Variants in MOB3B observed in about 807,000 individuals in gnomAD.
The protein encoded by MOB3B is MOB kinase activator 3B, also known as MOB kinase activator-like 2B.
Under a neutral mutation model 18.7 loss-of-function variants are expected in MOB3B, and 7 were observed. The observed-to-expected ratio is 0.37, with a 90% CI of 0.21 to 0.70. MOB3B has a LOEUF of 0.70. Among genes scored for constraint, MOB3B ranks in the 30% least tolerant of loss-of-function variants. The pLI, the probability that MOB3B is intolerant of heterozygous loss-of-function variation, is 0.52. For synonymous variants in MOB3B, 111 were observed against 99.9 expected (o/e 1.11, Z -0.66); for missense variants, 253 against 281.3 (o/e 0.90, Z 0.72).
At chr9:27,496,434 T>C (rs1819901113) in intron 1 of MOB3B, among the ~76,000 whole-genome samples, 1 of 152,238 alleles carries the variant, frequency 6.6e-6, no homozygotes, top group Non-Finnish European at 1.5e-5. Context: ...GTTCAGGGCC[T>C]GCCTTCCTAT....
chr9:27,341,111 C>G (rs991505612), intron 3 of MOB3B, among the ~76,000 whole-genome samples: 1 of 152,180 alleles, frequency 6.6e-6, no homozygotes. Context: ...TGTGGCCTTT[C>G]TATCAGGAGT....
chr9:27,426,779 A>C (rs1822340587), intron 2 of MOB3B, among the ~76,000 whole-genome samples: 1 of 152,302 alleles, frequency 6.6e-6, no homozygotes, highest in Middle Eastern at 3.4e-3. Flanking sequence ...CCTTTTCTGC[A>C]GCCTCCTACT....
intron 2 of MOB3B, among the ~76,000 whole-genome samples, chr9:27,395,712 T>C (rs1305925868): frequency 6.6e-6 from 1 of 152,192 alleles, no homozygotes; most frequent in East Asian, 1.9e-4. Flanking sequence ...CCTCCTCTAC[T>C]TGCTAAGAAA....
At chr9:27,527,821 T>C (rs1408076260) in intron 1 of MOB3B, among the ~76,000 whole-genome samples, 2 of 152,210 alleles carry the variant, frequency 1.3e-5, no homozygotes, top group Non-Finnish European at 2.9e-5. Flanking sequence ...GGACCCTGAC[T>C]TCTCAGAGTA....
intron 3 of MOB3B, among the ~76,000 whole-genome samples, chr9:27,345,565 C>T (rs184906600): frequency 1.3e-5 from 2 of 152,086 alleles, no homozygotes; most frequent in African/African-American, 2.4e-5. Context: ...GGTGGTTGCC[C>T]CCACAGCTTC....
chr9:27,439,949 TG>T (rs1033310018), intron 2 of MOB3B, among the ~76,000 whole-genome samples: 1 of 151,574 alleles, frequency 6.6e-6, no homozygotes, highest in African/African-American at 2.4e-5. Context: ...GGCCCGGTGG[TG>T]GGGGGTAAGG....
chr9:27,439,570 C>A (rs1375436056), intron 2 of MOB3B, among the ~76,000 whole-genome samples: 3 of 152,176 alleles, frequency 2.0e-5, no homozygotes, highest in Non-Finnish European at 4.4e-5. Flanking sequence ...GAGAAAGTAG[C>A]AAAGCCATGA....
At chr9:27,524,163 A>AAC (rs1554657514) in intron 1 of MOB3B, among the ~76,000 whole-genome samples, 3 of 151,506 alleles carry the variant, frequency 2.0e-5, no homozygotes, top group African/African-American at 7.3e-5. Context: ...AAAAAAAAAA[A>AAC]AAAAAAAAGC....
intron 2 of MOB3B, among the ~76,000 whole-genome samples, chr9:27,404,316 T>TTTC (rs1563860254): frequency 6.9e-6 from 1 of 145,570 alleles, no homozygotes; most frequent in African/African-American, 2.5e-5. Flanking sequence ...TAAACCACAT[T>TTTC]TTCTTTCTTT....
intron 2 of MOB3B, among the ~76,000 whole-genome samples, chr9:27,365,116 C>T (rs1455199791): frequency 7.4e-6 from 1 of 135,440 alleles, no homozygotes; most frequent in Non-Finnish European, 1.5e-5. Flanking sequence ...GAGCAGTGGT[C>T]TTATTTAGTC....
Position 27,332,940 on chromosome 9 carries a change from A to G in MOB3B, c.622-2324T>C, listed in dbSNP as rs75167201. Among the ~76,000 whole-genome samples the G allele has an allele frequency of 2.7e-4, 41 of 152,372 alleles. No individual in the cohort carries two copies. In the East Asian group the frequency reaches 6.2e-3, roughly 23 times the overall value. On this transcript the variant is annotated intron_variant, in intron 3 of 3. Coordinates refer to ENST00000262244, the MANE Select transcript of MOB3B (RefSeq NM_024761.5). ...GAATATGCAATCGGATAATACTGGC[A>G]TATATTAATTGACATATATAATTAT...
At chr9:27,444,961 A>C (rs1822668605) in intron 2 of MOB3B, among the ~76,000 whole-genome samples, 1 of 152,190 alleles carries the variant, frequency 6.6e-6, no homozygotes, top group Non-Finnish European at 1.5e-5. Flanking sequence ...TGGTATTCAA[A>C]TTTTGATCAA....
At chr9:27,418,606 A>G (rs181244701) in intron 2 of MOB3B, among the ~76,000 whole-genome samples, 50 of 152,340 alleles carry the variant, frequency 3.3e-4, no homozygotes, top group Middle Eastern at 3.4e-3. Flanking sequence ...CAATAGATGC[A>G]GAAAAAGCAT....
chr9:27,450,515 C>CA (rs547005756), intron 2 of MOB3B, among the ~76,000 whole-genome samples: 10 of 151,204 alleles, frequency 6.6e-5, no homozygotes, highest in African/African-American at 1.5e-4. Flanking sequence ...TAATAATAAT[C>CA]AAAAAAAAGA....
intron 3 of MOB3B, among the ~76,000 whole-genome samples, chr9:27,347,207 G>T (rs1164136401): frequency 6.6e-6 from 1 of 152,218 alleles, no homozygotes; most frequent in African/African-American, 2.4e-5. Flanking sequence ...AGATGTTGCA[G>T]CTCAGGTTAG....
intron 2 of MOB3B, among the ~76,000 whole-genome samples, chr9:27,395,332 T>G (rs910594227): frequency 6.6e-6 from 1 of 152,194 alleles, no homozygotes; most frequent in Non-Finnish European, 1.5e-5. Flanking sequence ...ATGATATGAG[T>G]TGATTCGTGT....
intron 3 of MOB3B, among the ~76,000 whole-genome samples, chr9:27,350,876 C>T (rs149582568): frequency 6.6e-6 from 1 of 151,698 alleles, no homozygotes; most frequent in East Asian, 1.9e-4. Flanking sequence ...TACACCCCCT[C>T]TGCCCCTCTG....
chr9:27,378,871 C>A (rs1821531574), intron 2 of MOB3B: 1 of 376,724 alleles, frequency 2.7e-6, no homozygotes, highest in Middle Eastern at 9.9e-4. Flanking sequence ...AACCACTTAT[C>A]CAGGGCCACA....
chr9:27,363,617 A>G (rs1821305481), intron 2 of MOB3B, among the ~76,000 whole-genome samples: 1 of 151,258 alleles, frequency 6.6e-6, no homozygotes, highest in Non-Finnish European at 1.5e-5. Flanking sequence ...CAGTTAAATC[A>G]TTTGCCCCAG....
Sources: allele counts gnomAD v4.1 joint callset (sites outside exome capture counted in the v4.1 genomes callset), GRCh38; gene constraint gnomAD v4.1.1; transcripts MANE v1.5; gene names NCBI Gene and HGNC (gene_info 2026-07-23, HGNC 2026-07-21).